SMARCB1: variants seen among roughly 807,000 people sequenced by gnomAD.
The protein encoded by SMARCB1 is SWI/SNF related BAF chromatin remodeling complex subunit B1.
In SMARCB1, 5 loss-of-function variants were observed where a neutral mutation model predicts 49.0. The observed-to-expected ratio is 0.10, with a 90% CI of 0.05 to 0.21. The LOEUF is 0.21. Ranked by LOEUF, SMARCB1 falls within the 10% of genes least tolerant of loss-of-function variation. The probability of loss-of-function intolerance (pLI) is 1.00; values close to 1 mark genes in which losing one functional copy is unlikely to be tolerated. For missense variants in SMARCB1, 226 were observed against 509.2 expected (o/e 0.44, Z 5.35); for synonymous variants, 201 against 200.1 (o/e 1.00, Z -0.04).
chr22:23,835,719 C>T lies in SMARCB1; in HGVS notation c.*1539C>T. On this transcript the variant is annotated 3_prime_UTR_variant, in exon 9 of 9. Transcript: ENST00000644036. Reference sequence around the variant, plus strand: ...AGGTTTCATTGCTGAGGTGTTTGTTCTGTCCATGAGGTAGGAACCTCGGCA... The same window carrying T: ...AGGTTTCATTGCTGAGGTGTTTGTTTTGTCCATGAGGTAGGAACCTCGGCA... The T allele has an allele frequency of 1.0e-6, 1 of 985,498 alleles. No homozygotes were observed. Among genetic ancestry groups the T allele is most frequent in the Non-Finnish European group, 1.2e-6 (1 of 829,958 alleles). 61.0% of individuals were successfully genotyped at this position (985,498 alleles called of 1,614,324 possible).
intron 7 of SMARCB1, among the ~76,000 whole-genome samples, chr22:23,830,820 C>G (rs1434511623): frequency 1.3e-5 from 2 of 152,004 alleles, no homozygotes; most frequent in Non-Finnish European, 2.9e-5. Flanking sequence ...TGCCACCACA[C>G]CCAGCTAATT....
intron 1 of SMARCB1, 128 bp downstream of exon 1, chr22:23,787,390 T>G (rs1471694965): frequency 6.3e-6 from 3 of 479,108 alleles, no homozygotes; most frequent in African/African-American, 2.1e-5. Flanking sequence ...CGCTCGGGGC[T>G]GTGGGGCGTG....
chr22:23,809,275 C>CTTT (rs1259830307), intron 5 of SMARCB1, among the ~76,000 whole-genome samples: 2 of 134,364 alleles, frequency 1.5e-5, no homozygotes, highest in Non-Finnish European at 1.6e-5. Context: ...ATTGGACATT[C>CTTT]TTTTTTTTTT....
At chr22:23,805,099 C>T (rs1308503957) in intron 5 of SMARCB1, among the ~76,000 whole-genome samples, 4 of 152,186 alleles carry the variant, frequency 2.6e-5, no homozygotes, top group African/African-American at 9.7e-5. Context: ...GAGTGCTAGG[C>T]CTACCACTTG....
intron 6 of SMARCB1, among the ~76,000 whole-genome samples, chr22:23,821,862 CAAA>C (rs35051501): frequency 3.4e-5 from 4 of 117,412 alleles, no homozygotes; most frequent in Non-Finnish European, 5.4e-5. Context: ...GACTCTGTCT[CAAA>C]AAAAAAAAAA....
In SMARCB1 at chr22:23,835,548, C is replaced by G. The variant is rs1601451151; in HGVS notation, c.*1368C>G. On this transcript the variant is annotated 3_prime_UTR_variant, in exon 9 of 9. Coordinates refer to ENST00000644036, the MANE Select transcript of SMARCB1 (RefSeq NM_003073.5). ...GCACATGTTAGCATGGGACTCTTCC[C>G]AGGGAGTTTGCACTCAGGGCCTCTG... 1.0e-6 allele frequency: 1 copy of G among 985,472 alleles called. No homozygotes were observed. 61.0% of individuals were successfully genotyped at this position (985,472 alleles called of 1,614,324 possible). A position where few individuals can be genotyped will look rare whatever the true frequency, so the allele number is the denominator to read the frequency against.
chr22:23,821,634 G>A (rs1316101154), intron 6 of SMARCB1, among the ~76,000 whole-genome samples: 1 of 152,134 alleles, frequency 6.6e-6, no homozygotes, highest in Non-Finnish European at 1.5e-5. Context: ...CAGATTGCCT[G>A]AGCTCAGGAG....
intron 5 of SMARCB1, chr22:23,816,469 C>T: frequency 3.6e-6 from 2 of 558,662 alleles, no homozygotes; most frequent in South Asian, 2.0e-5. Context: ...CCTGGATCAT[C>T]TCATTAGTTG....
chr22:23,797,609 CTTTTTTTTTTTTTT>C (rs71184910), intron 3 of SMARCB1, among the ~76,000 whole-genome samples: 1,199 of 36,328 alleles, frequency 0.033, 18 homozygotes, highest in Middle Eastern at 0.12. Flanking sequence ...TGCGCCTGGC[CTTTTTTTTTTTTTT>C]TTTTTTTTTT....
chr22:23,797,007 T>C (rs990957296), intron 3 of SMARCB1, among the ~76,000 whole-genome samples: 5 of 150,806 alleles, frequency 3.3e-5, no homozygotes, highest in Admixed American at 1.3e-4. Context: ...TTTCTTTTTT[T>C]TTTTTTTTTT....
At position 23,834,672 on chromosome 22, in the gene SMARCB1, G is replaced by A. The variant is rs565268976; in HGVS notation, c.*492G>A. ...GATTCCCAAGTGGGCAGGTGGGGGTGAATGGGGCTCCGGGTAGCACCTCAG... is the reference window on the plus strand; with the variant it reads ...GATTCCCAAGTGGGCAGGTGGGGGTAAATGGGGCTCCGGGTAGCACCTCAG... On this transcript the variant is annotated 3_prime_UTR_variant, in exon 9 of 9. Coordinates refer to ENST00000644036, the MANE Select transcript of SMARCB1 (RefSeq NM_003073.5). 3.7e-5 allele frequency: 41 copies of A among 1,111,118 alleles called. No individual in the cohort carries two copies. The South Asian group carries it at 6.1e-4, about 16-fold the overall frequency. The allele number at this position is 1,111,118 out of a possible 1,614,324, so 68.8% of individuals were successfully genotyped here.
intron 5 of SMARCB1, among the ~76,000 whole-genome samples, chr22:23,807,798 CT>C (rs71184913): frequency 0.026 from 3,464 of 132,626 alleles, 130 homozygotes; most frequent in African/African-American, 0.087. Context: ...CTTTTTTTTT[CT>C]TTTTTTTTTT....
chr22:23,814,336 C>T (rs1339523384), intron 5 of SMARCB1, among the ~76,000 whole-genome samples: 1 of 152,194 alleles, frequency 6.6e-6, no homozygotes, highest in African/African-American at 2.4e-5. Context: ...GGAAAGACAG[C>T]TCATTCAACA....
chr22:23,837,483 G>T lies in SMARCB1; in HGVS notation c.*3303G>T. 1.4e-6 allele frequency: 1 copy of T among 705,224 alleles called. No homozygotes were observed. The highest frequency in any genetic ancestry group is 1.9e-5 in the South Asian group (1 of 53,244). 43.7% of individuals were successfully genotyped at this position (705,224 alleles called of 1,614,324 possible). ...CCGTCCTGACGATGCAAATTATGTG[G>T]GCCGGCTGGCTTGAGGGGCTGTAAG... On this transcript the variant is annotated 3_prime_UTR_variant, in exon 9 of 9. Transcript: ENST00000644036.
intron 3 of SMARCB1, among the ~76,000 whole-genome samples, chr22:23,797,000 CTTT>C (rs1166157626): frequency 5.9e-5 from 8 of 135,380 alleles, no homozygotes; most frequent in Admixed American, 2.2e-4. Flanking sequence ...GGTTGTTTTT[CTTT>C]TTTTTTTTTT....
At chr22:23,800,021 G>C (rs1005538587) in intron 3 of SMARCB1, among the ~76,000 whole-genome samples, 1 of 149,296 alleles carries the variant, frequency 6.7e-6, no homozygotes, top group Non-Finnish European at 1.5e-5. Context: ...TAGAGACAGG[G>C]TTTCACCATG....
rs2030583559 is a variant in SMARCB1, at chr22:23,830,247, T to C, written c.987-3325T>C. 2.0e-5 allele frequency among the ~76,000 whole-genome samples: 3 copies of C among 152,226 alleles called. No homozygotes were observed. In the South Asian group the frequency reaches 6.2e-4, roughly 32 times the overall value. ...AGAATTTCTAGACTGTTTTCCAAAG[T>C]GGCTGCACCATTTTGCATTCCCACC... is the stretch of plus-strand genomic sequence containing the variant. On this transcript the variant is annotated intron_variant, in intron 7 of 8. Coordinates refer to ENST00000644036, the MANE Select transcript of SMARCB1 (RefSeq NM_003073.5).
Position 23,791,894 on chromosome 22 carries a change from G to A in SMARCB1, c.232G>A (p.Asp78Asn), listed in dbSNP as rs2145960650. 6.2e-7 allele frequency: 1 copy of A among 1,614,082 alleles called. No individual in the cohort carries two copies. Among genetic ancestry groups the A allele is most frequent in the Non-Finnish European group, 8.5e-7 (1 of 1,179,934 alleles). Residue 78 changes from aspartate (D) to asparagine (N), a missense_variant and splice_region_variant, in exon 2 of 9, where the codon GAT becomes AAT. Transcript: ENST00000644036. Reference sequence around the variant, plus strand: ...TAAAAAAACAAAACCTAACACTAAGGGTGCGTCTTCACGAGGGTTTGTAAA... The same window carrying A: ...TAAAAAAACAAAACCTAACACTAAGAGTGCGTCTTCACGAGGGTTTGTAAA... ...HGKKTKPNTKDHGYTTLATSV... is the reference protein window; with the variant it reads ...HGKKTKPNTKNHGYTTLATSV...
intron 6 of SMARCB1, chr22:23,822,989 TTTTTTTTTTG>T: frequency 1.4e-5 from 1 of 69,478 alleles, no homozygotes; most frequent in Non-Finnish European, 2.6e-5. Context: ...TTTTTTTTTT[TTTTTTTTTTG>T]ACACAGAGTC....
Sources: gnomAD v4.1 joint callset for allele counts (sites outside exome capture counted in the v4.1 genomes callset) on GRCh38, gnomAD v4.1.1 for gene constraint, MANE v1.5 for transcripts, NCBI Gene and HGNC (gene_info 2026-07-23, HGNC 2026-07-21) for gene names.